The following PIGN variants were observed in gnomAD, a reference collection of about 807,000 sequenced individuals.
PIGN encodes the protein GPI ethanolamine phosphate transferase 1.
Under a neutral mutation model 125.4 loss-of-function variants are expected in PIGN, and 117 were observed. The observed-to-expected ratio is 0.93, with a 90% CI of 0.80 to 1.09. The LOEUF (loss-of-function observed/expected upper bound fraction) is 1.09. PIGN is among the 50% of genes least tolerant of loss of function. PIGN has a pLI of 0.00. For missense variants in PIGN, 1,075 were observed against 1,094.9 expected (o/e 0.98, Z 0.26); for synonymous variants, 392 against 377.8 (o/e 1.04, Z -0.44).
intron 23 of PIGN, among the ~76,000 whole-genome samples, chr18:62,033,492 G>A (rs1275363148): frequency 1.3e-5 from 2 of 152,222 alleles, no homozygotes; most frequent in South Asian, 4.1e-4. Flanking sequence ...AAAGTGTTTA[G>A]TTCAGTGCCT....
chr18:62,091,217 G>A (rs2033942756), intron 23 of PIGN, among the ~76,000 whole-genome samples: 1 of 152,026 alleles, frequency 6.6e-6, no homozygotes, highest in South Asian at 2.1e-4. Context: ...GTGTGGTGGT[G>A]TGCGCCTGCC....
intron 10 of PIGN, 21 bp from the exon 11 acceptor site, chr18:62,143,367 C>T: frequency 7.0e-7 from 1 of 1,428,886 alleles, no homozygotes; most frequent in Non-Finnish European, 9.7e-7. Context: ...CAATCAGACA[C>T]AAGATCTGAT....
At chr18:62,068,483 G>A (rs926735629) in intron 30 of PIGN, among the ~76,000 whole-genome samples, 4 of 152,026 alleles carry the variant, frequency 2.6e-5, no homozygotes, top group Admixed American at 1.3e-4. Flanking sequence ...GGTCTTGGTA[G>A]AAAAAAGAAA....
At chr18:62,059,462 TA>T (rs1426237008) in intron 30 of PIGN, among the ~76,000 whole-genome samples, 1 of 152,192 alleles carries the variant, frequency 6.6e-6, no homozygotes, top group Non-Finnish European at 1.5e-5. Context: ...AATGGAACAT[TA>T]TTCAGCAATG....
At chr18:62,117,252 T>C (rs1355169585) in intron 14 of PIGN, among the ~76,000 whole-genome samples, 1 of 152,132 alleles carries the variant, frequency 6.6e-6, no homozygotes, top group East Asian at 1.9e-4. Flanking sequence ...GTAAATTTTC[T>C]TGGTATCACA....
At chr18:62,186,792 ACACCACAG>A (rs973039498) in intron 1 of PIGN, 44 bp downstream of exon 1, 1 of 151,122 alleles carries the variant, frequency 6.6e-6, no homozygotes, top group African/African-American at 2.4e-5. Flanking sequence ...CGCGGGCGCG[ACACCACAG>A]TTTGGGCGCC....
Position 62,043,026 on chromosome 18 carries a change from T to C in PIGN, c.*2830A>G, listed in dbSNP as rs1466040224. 2 of 152,052 alleles carry C rather than the reference T, an allele frequency of 1.3e-5. No individual in the cohort carries two copies. Among genetic ancestry groups the C allele is most frequent in the Non-Finnish European group, 2.9e-5 (2 of 68,014 alleles). 9.4% of individuals were successfully genotyped at this position (152,052 alleles called of 1,614,324 possible). On this transcript the variant is annotated 3_prime_UTR_variant, in exon 31 of 31. Transcript: ENST00000640252. Reference sequence around the variant, plus strand: ...ACACAGCATAACAATCATTAATGCTTTGAAGCATTTTAAAAACAGTAAGGG... The same window carrying C: ...ACACAGCATAACAATCATTAATGCTCTGAAGCATTTTAAAAACAGTAAGGG...
intron 28 of PIGN, chr18:62,075,746 A>G (rs1368403563): frequency 6.6e-6 from 1 of 152,212 alleles, no homozygotes; most frequent in Non-Finnish European, 1.5e-5. Flanking sequence ...AGGTCATACA[A>G]CAGTAGCATG....
chr18:62,041,638 C>CGGGTGT lies in PIGN; in HGVS notation c.*4212_*4217dup, dbSNP rs1344950995. ...GGATTACAGGAGCCTACCACCCCGC[C>CGGGTGT]GGGTGTGTGTGTGTGTGTGTGTGTG... On this transcript the variant is annotated 3_prime_UTR_variant, in exon 31 of 31. Coordinates refer to ENST00000640252, the MANE Select transcript of PIGN (RefSeq NM_176787.5). 14 of 95,236 alleles carry CGGGTGT rather than the reference C, an allele frequency of 1.5e-4. No individual in the cohort carries two copies. The highest frequency in any genetic ancestry group is 3.2e-4 in the Admixed American group (3 of 9,402). The allele number at this position is 95,236 out of a possible 1,614,324, so 5.9% of individuals were successfully genotyped here.
At chr18:62,149,318 CCT>C (rs139982976) in intron 7 of PIGN, among the ~76,000 whole-genome samples, 98 of 152,016 alleles carry the variant, frequency 6.4e-4, no homozygotes, top group African/African-American at 2.3e-3. Flanking sequence ...AAAATTGCCC[CCT>C]AACTTTCATA....
At chr18:62,062,001 TA>T (rs911098983) in intron 30 of PIGN, among the ~76,000 whole-genome samples, 1 of 152,170 alleles carries the variant, frequency 6.6e-6, no homozygotes, top group African/African-American at 2.4e-5. Context: ...TCCTGCCCAT[TA>T]GACCAGCACC....
At chr18:62,049,103 T>C (rs1440718452) in intron 30 of PIGN, among the ~76,000 whole-genome samples, 1 of 151,402 alleles carries the variant, frequency 6.6e-6, no homozygotes, top group Non-Finnish European at 1.5e-5. Flanking sequence ...AGTCTATCAT[T>C]GTTGGACATT....
intron 14 of PIGN, among the ~76,000 whole-genome samples, chr18:62,122,707 T>C (rs550370492): frequency 5.3e-5 from 8 of 152,320 alleles, no homozygotes; most frequent in African/African-American, 1.7e-4. Context: ...GAAAAGTAAA[T>C]TGATTTACTT....
intron 28 of PIGN, among the ~76,000 whole-genome samples, chr18:62,078,527 C>T (rs1166836040): frequency 1.3e-5 from 2 of 152,236 alleles, no homozygotes; most frequent in Admixed American, 6.5e-5. Context: ...ATCTTCACCA[C>T]GTTCCTTTGA....
At position 62,025,874 on chromosome 18, in the gene PIGN, G is replaced by A. The variant is rs117670136; in HGVS notation, c.2143-8133C>T. ...ATATATGCCTCCTGCCACTGCCCCT[G>A]TCTTAATTCAAGTTCCATTCGTCTT... On this transcript the variant is annotated intron_variant, in intron 23 of 24. Coordinates refer to the PIGN transcript ENST00000639600. Among the ~76,000 whole-genome samples the A allele has an allele frequency of 9.2e-5, 14 of 152,120 alleles. 3 individuals are homozygous for A. The highest frequency in any genetic ancestry group is 8.5e-4 in the Admixed American group (13 of 15,266).
At chr18:62,126,091 T>C (rs1286824119) in intron 14 of PIGN, among the ~76,000 whole-genome samples, 3 of 152,084 alleles carry the variant, frequency 2.0e-5, no homozygotes, top group Non-Finnish European at 4.4e-5. Flanking sequence ...GATCAGTCAT[T>C]GTATCTATTT....
chr18:62,057,372 C>T (rs1006728851), intron 30 of PIGN, among the ~76,000 whole-genome samples: 7 of 152,152 alleles, frequency 4.6e-5, no homozygotes, highest in African/African-American at 1.7e-4. Flanking sequence ...GATTAAAAAA[C>T]AAAACTAGGA....
intron 28 of PIGN, among the ~76,000 whole-genome samples, chr18:62,080,768 TC>T (rs1389682968): frequency 2.6e-5 from 4 of 152,154 alleles, no homozygotes; most frequent in Non-Finnish European, 5.9e-5. Flanking sequence ...GCTGCCAACC[TC>T]CAGACTCCAT....
Position 62,090,479 on chromosome 18 carries a change from T to C in PIGN, c.2280A>G (p.Gln760=). ...TLQQSGVCCK[Q]KLTSIQFSYN... ...AAAAATGACTTTGACCAGCTACCTT[T>C]TGTTTACAGCAAACACCAGATTGTT... is the stretch of plus-strand genomic sequence containing the variant. Residue 760 remains glutamine (Q), a synonymous_variant, in exon 24 of 31, where the codon CAA becomes CAG. Coordinates refer to ENST00000640252, the MANE Select transcript of PIGN (RefSeq NM_176787.5). The C allele has an allele frequency of 3.1e-6, 5 of 1,592,460 alleles. No individual in the cohort carries two copies. The highest frequency in any genetic ancestry group is 4.3e-6 in the Non-Finnish European group (5 of 1,164,218).
Sources: gnomAD v4.1 joint callset for allele counts (sites outside exome capture counted in the v4.1 genomes callset) on GRCh38, gnomAD v4.1.1 for gene constraint, MANE v1.5 for transcripts, NCBI Gene and HGNC (gene_info 2026-07-23, HGNC 2026-07-21) for gene names.